The following ETHE1 variants were observed in gnomAD, a reference collection of about 807,000 sequenced individuals.
The protein encoded by ETHE1 is persulfide dioxygenase ETHE1, mitochondrial.
ETHE1 carries 16 observed loss-of-function variants against 25.7 expected under a neutral mutation model. The observed-to-expected ratio is 0.62, with a 90% confidence interval of 0.42 to 0.95. The LOEUF is 0.95. Ranked by LOEUF, ETHE1 falls within the 40% of genes least tolerant of loss-of-function variation. The pLI, the probability that ETHE1 is intolerant of heterozygous loss-of-function variation, is 0.00. For synonymous variants in ETHE1, 139 were observed against 135.9 expected (o/e 1.02, Z -0.16); for missense variants, 300 against 333.6 (o/e 0.90, Z 0.79).
At chr19:43,513,560 C>T (rs560815509) in intron 3 of ETHE1, among the ~76,000 whole-genome samples, 1 of 152,312 alleles carries the variant, frequency 6.6e-6, no homozygotes, top group South Asian at 2.1e-4. Flanking sequence ...ACGGAGCCTG[C>T]AGCCCCTTCA....
chr19:43,506,805 A>G lies in ETHE1; in HGVS notation c.*45T>C. 1 of 1,571,384 alleles carries G rather than the reference A, an allele frequency of 6.4e-7. No individual in the cohort carries two copies. Among genetic ancestry groups the G allele is most frequent in the Non-Finnish European group, 8.8e-7 (1 of 1,142,502 alleles). ...AGTGTCATTGCCGCCCTCTCCTCCC[A>G]CCTAGTGCATTAATAGTGGATGGGA... On this transcript the variant is annotated 3_prime_UTR_variant, in exon 7 of 7. Coordinates refer to ENST00000292147, the MANE Select transcript of ETHE1 (RefSeq NM_014297.5).
At chr19:43,523,231 G>A (rs757216385) in intron 3 of ETHE1, among the ~76,000 whole-genome samples, 1 of 152,016 alleles carries the variant, frequency 6.6e-6, no homozygotes, top group Non-Finnish European at 1.5e-5. Flanking sequence ...TATAATATGT[G>A]GACTCCTTTC....
At chr19:43,525,830 G>C (rs972801806) in intron 3 of ETHE1, 4 of 322,992 alleles carry the variant, frequency 1.2e-5, no homozygotes, top group African/African-American at 8.6e-5. Flanking sequence ...TCCTCAAACG[G>C]AGGTTTCCGC....
At chr19:43,519,861 G>T (rs1021952159) in intron 3 of ETHE1, among the ~76,000 whole-genome samples, 1 of 152,054 alleles carries the variant, frequency 6.6e-6, no homozygotes, top group Non-Finnish European at 1.5e-5. Context: ...ACGCACCTAT[G>T]ATAGAGTTTA....
At chr19:43,526,400 G>A (rs1568502214) in intron 2 of ETHE1, 51 bp from the exon 3 acceptor site, 1 of 1,611,592 alleles carries the variant, frequency 6.2e-7, no homozygotes, top group South Asian at 1.1e-5. Flanking sequence ...GGACCTGGGA[G>A]TCCCAGCCCA....
intron 2 of ETHE1, 39 bp downstream of exon 2, chr19:43,526,476 A>C: frequency 6.2e-7 from 1 of 1,607,136 alleles, no homozygotes; most frequent in Non-Finnish European, 8.5e-7. Context: ...GCTGCAGCCC[A>C]GCCCCGCTGG....
chr19:43,508,838 C>G lies in ETHE1; in HGVS notation c.532G>C (p.Val178Leu), dbSNP rs770090770. ...QGCAKTLYHS[V>L]HEKIFTLPGD... ...GGAAGTGTGAAGATCTTTTCATGGA[C>G]CGAGTGGTACAAGGTCTTGGCACAG... Residue 178 changes from valine (V) to leucine (L), a missense_variant, in exon 5 of 7, where the codon GTC becomes CTC. Val to Leu is a conservative substitution (Grantham distance 32). Transcript: ENST00000292147. 22 of 1,607,930 alleles carry G rather than the reference C, an allele frequency of 1.4e-5. No homozygotes were observed. Among genetic ancestry groups the G allele is most frequent in the Non-Finnish European group, 1.9e-5 (22 of 1,177,550 alleles).
intron 3 of ETHE1, 41 bp from the exon 4 acceptor site, chr19:43,511,607 C>G (rs770596692): frequency 2.4e-5 from 38 of 1,604,502 alleles, no homozygotes; most frequent in Admixed American, 1.7e-4. Context: ...CACCAAGAAG[C>G]CTTCTAGATG....
intron 3 of ETHE1, among the ~76,000 whole-genome samples, chr19:43,522,250 A>G (rs1445171171): frequency 1.3e-5 from 2 of 152,098 alleles, no homozygotes; most frequent in Non-Finnish European, 2.9e-5. Context: ...AGCAAGACTC[A>G]GTCTCTACAA....
rs2145977313 is a variant in ETHE1 at position 43,508,014 on chromosome 19, C to T, written c.642G>A (p.Arg214=). 6.2e-7 allele frequency: 1 copy of T among 1,614,144 alleles called. No individual in the cohort carries two copies. The highest frequency in any genetic ancestry group is 8.5e-7 in the Non-Finnish European group (1 of 1,180,028). ...CAAACTCCTCACAGCTGAGGGTGAG[C>T]CGAGGGTTCAGAGTCCTCTCCTCCT... ...TVEEERTLNP[R]LTLSCEEFVK... is the part of the protein sequence containing the mutation. Residue 214 remains arginine (R), a synonymous_variant, in exon 6 of 7, where the codon CGG becomes CGA. Transcript: ENST00000292147.
intron 3 of ETHE1, among the ~76,000 whole-genome samples, chr19:43,522,343 T>G (rs1972152733): frequency 6.6e-6 from 1 of 152,138 alleles, no homozygotes; most frequent in Admixed American, 6.5e-5. Context: ...GAGGATCACT[T>G]GAGCCCAGGA....
chr19:43,525,589 A>AG (rs1279502461), intron 3 of ETHE1: 1 of 153,584 alleles, frequency 6.5e-6, no homozygotes, highest in Non-Finnish European at 1.4e-5. Context: ...TGCCTGTGGC[A>AG]AATAAAGTGA....
intron 4 of ETHE1, among the ~76,000 whole-genome samples, chr19:43,509,954 G>T (rs367754747): frequency 6.6e-6 from 1 of 152,184 alleles, no homozygotes; most frequent in African/African-American, 2.4e-5. Context: ...TCAGCTTCCT[G>T]ACTGTACTGT....
At chr19:43,507,176 C>A (rs1971791476) in intron 6 of ETHE1, among the ~76,000 whole-genome samples, 1 of 48,962 alleles carries the variant, frequency 2.0e-5, no homozygotes, top group Non-Finnish European at 4.3e-5. Flanking sequence ...CCCAGCCCTT[C>A]CTTCCTCAGA....
In ETHE1 at chr19:43,508,842, G is replaced by A. The variant is rs767337197; in HGVS notation, c.528C>T (p.His176=). ...FQQGCAKTLY[H]SVHEKIFTLP... ...GTGTGAAGATCTTTTCATGGACCGA[G>A]TGGTACAAGGTCTTGGCACAGCCTG... The change falls in exon 5 of 7, where the codon CAC becomes CAT. Residue 176 remains histidine (H), a synonymous_variant. Transcript: ENST00000292147. 7 of 1,607,422 alleles carry A rather than the reference G, an allele frequency of 4.4e-6. No homozygotes were observed. Among genetic ancestry groups the A allele is most frequent in the Non-Finnish European group, 5.9e-6 (7 of 1,177,322 alleles).
At chr19:43,516,916 T>C (rs1202313942) in intron 3 of ETHE1, among the ~76,000 whole-genome samples, 3 of 152,092 alleles carry the variant, frequency 2.0e-5, no homozygotes, top group Non-Finnish European at 4.4e-5. Flanking sequence ...AGGTGTGATG[T>C]GCCCGATGAC....
chr19:43,523,976 C>G (rs1972188591), intron 3 of ETHE1, among the ~76,000 whole-genome samples: 1 of 151,916 alleles, frequency 6.6e-6, no homozygotes, highest in Non-Finnish European at 1.5e-5. Flanking sequence ...TGGCTCATGC[C>G]TGTAATCCCA....
At chr19:43,508,688 C>T (rs1219841445) in intron 5 of ETHE1, 87 bp downstream of exon 5, 59 of 1,123,706 alleles carry the variant, frequency 5.3e-5, no homozygotes, top group Non-Finnish European at 7.3e-5. Flanking sequence ...TGAGACTGGT[C>T]GTCTTCATGC....
rs559718515 is a variant in ETHE1, at chr19:43,519,231, C to G, written c.375+6970G>C. 9.2e-5 allele frequency among the ~76,000 whole-genome samples: 14 copies of G among 151,944 alleles called. No individual in the cohort carries two copies. The South Asian group carries it at 2.9e-3, about 32-fold the overall frequency. ...TTCATCATGTTGGCCAGGCTGATCT[C>G]AAACTCCTGACCTCGGGTGATCCGC... On this transcript the variant is annotated intron_variant, in intron 3 of 6. Transcript: ENST00000292147.
Sources: gnomAD v4.1 joint callset for allele counts (sites outside exome capture counted in the v4.1 genomes callset) on GRCh38, gnomAD v4.1.1 for gene constraint, MANE v1.5 for transcripts, NCBI Gene and HGNC (gene_info 2026-07-23, HGNC 2026-07-21) for gene names.